The following RBFOX1 variants were observed in gnomAD, a reference collection of about 807,000 sequenced individuals.
RBFOX1 encodes the protein RNA binding protein fox-1 homolog 1.
In RBFOX1, 8 loss-of-function variants were observed where a neutral mutation model predicts 57.7. The observed-to-expected ratio is 0.14, with a 90% CI of 0.08 to 0.25. RBFOX1 has a LOEUF of 0.25. RBFOX1 is among the 10% of genes least tolerant of loss of function. RBFOX1 has a pLI of 1.00. For synonymous variants in RBFOX1, 326 were observed against 222.4 expected (o/e 1.47, Z -4.15); for missense variants, 611 against 548.5 (o/e 1.11, Z -1.14).
chr16:7,664,184 A>G (rs2068560789), intron 12 of RBFOX1, among the ~76,000 whole-genome samples: 1 of 152,270 alleles, frequency 6.6e-6, no homozygotes. Context: ...ACATGTTTAC[A>G]TACGTGTATA....
At chr16:5,563,940 C>T (rs1003828174) in intron 2 of RBFOX1, among the ~76,000 whole-genome samples, 6 of 152,122 alleles carry the variant, frequency 3.9e-5, no homozygotes, top group East Asian at 3.9e-4. Flanking sequence ...GAGACTATGA[C>T]CTAGATGTGG....
rs558472892 is a variant in RBFOX1, at chr16:6,742,879, G to A, written c.-16+88229G>A. ...GTACAGCATGAAGGAGAAATCTGTG[G>A]TGAATTAGTTCTGTATTGTATTGTG... On this transcript the variant is annotated intron_variant, in intron 3 of 15. Transcript: ENST00000550418. Among the ~76,000 whole-genome samples, 135 of 152,234 alleles carry A rather than the reference G, an allele frequency of 8.9e-4. 1 individual carries two copies. The highest frequency in any genetic ancestry group is 3.0e-3 in the African/African-American group (126 of 41,540).
chr16:7,672,644 G>C (rs3785208), intron 13 of RBFOX1, among the ~76,000 whole-genome samples: 5 of 151,888 alleles, frequency 3.3e-5, no homozygotes, highest in African/African-American at 1.2e-4. Flanking sequence ...CAGGCAGATT[G>C]CTTGAGGCCA....
At chr16:5,610,257 A>G (rs1285977332) in intron 3 of RBFOX1, 24 of 152,224 alleles carry the variant, frequency 1.6e-4, no homozygotes, top group Admixed American at 1.5e-3. Flanking sequence ...CTCAGTCGCT[A>G]CTTGTTGAAA....
intron 4 of RBFOX1, among the ~76,000 whole-genome samples, chr16:7,057,745 C>T (rs1322512238): frequency 6.6e-6 from 1 of 152,168 alleles, no homozygotes; most frequent in Non-Finnish European, 1.5e-5. Flanking sequence ...CAGTGACTCA[C>T]ACCTGTCATC....
In RBFOX1 at chr16:5,989,875, CACACA is replaced by C. The variant is rs1567227306; in HGVS notation, c.351+122541_351+122545del. On this transcript the variant is annotated intron_variant, in intron 4 of 19. Coordinates refer to the RBFOX1 transcript ENST00000641259. The stretch of plus-strand genomic sequence containing the variant: ...ACACACACACACACACACACACACA[CACACA>C]CCACCCCTGTTTTATAATAGGAGTA... Among the ~76,000 whole-genome samples the C allele has an allele frequency of 3.6e-3, 427 of 118,770 alleles. 5 individuals carry two copies. The highest frequency in any genetic ancestry group is 0.012 in the African/African-American group (408 of 34,618). 77.9% of individuals were successfully genotyped at this position (118,770 alleles called of 152,430 possible). A position where few individuals can be genotyped will look rare whatever the true frequency, so the allele number is the denominator to read the frequency against.
rs188958717 is a variant in RBFOX1, at chr16:5,405,049, T to C, written c.220-62167T>C. On this transcript the variant is annotated intron_variant, in intron 1 of 2. Coordinates refer to the RBFOX1 transcript ENST00000585867. The stretch of plus-strand genomic sequence containing the variant: ...TTAGGTACTGTTATTATTCCAGTCT[T>C]ACTGATGTGGAATCTGTGCAAAGAG... Among the ~76,000 whole-genome samples, 63 of 152,340 alleles carry C rather than the reference T, an allele frequency of 4.1e-4. 1 individual carries two copies. The highest frequency in any genetic ancestry group is 8.3e-4 in the South Asian group (4 of 4,828).
At position 6,437,455 on chromosome 16, in the gene RBFOX1, A is replaced by G. The variant is rs1305018274; in HGVS notation, c.-64+120398A>G. Among the ~76,000 whole-genome samples the G allele has an allele frequency of 5.3e-5, 8 of 152,124 alleles. No individual in the cohort carries two copies. The South Asian group carries it at 1.2e-3, about 24-fold the overall frequency. On this transcript the variant is annotated intron_variant, in intron 2 of 15. Coordinates refer to ENST00000550418, the MANE Select transcript of RBFOX1 (RefSeq NM_018723.4). Reference sequence around the variant, plus strand: ...TGCTTGGTCAGTGTCTTCAGCACCTAATTTGACAATTAAATGTATTTCACA... The same window carrying G: ...TGCTTGGTCAGTGTCTTCAGCACCTGATTTGACAATTAAATGTATTTCACA...
Position 6,064,969 on chromosome 16 carries a change from A to G in RBFOX1, c.-127+44977A>G, listed in dbSNP as rs1029848440. 2.7e-5 allele frequency among the ~76,000 whole-genome samples: 4 copies of G among 148,828 alleles called. No individual in the cohort carries two copies. The East Asian group carries it at 5.9e-4, about 22-fold the overall frequency. Reference sequence around the variant, plus strand: ...GACCCAGTATCTGTAATTAAAAATTAAAAAAAAAACCTCCCTACGTGACTG... The same window carrying G: ...GACCCAGTATCTGTAATTAAAAATTGAAAAAAAAACCTCCCTACGTGACTG... On this transcript the variant is annotated intron_variant, in intron 1 of 15. Transcript: ENST00000550418.
chr16:7,324,261 C>G (rs1228757018), intron 4 of RBFOX1, among the ~76,000 whole-genome samples: 4 of 152,112 alleles, frequency 2.6e-5, no homozygotes, highest in Non-Finnish European at 4.4e-5. Context: ...GCAGAAAGCT[C>G]AGGTGGTTCA....
chr16:6,124,236 C>G (rs889158301), intron 1 of RBFOX1, among the ~76,000 whole-genome samples: 5 of 152,196 alleles, frequency 3.3e-5, no homozygotes, highest in South Asian at 2.1e-4. Flanking sequence ...GGTCCACATT[C>G]TCCTTTGCTA....
At chr16:6,241,656 AC>A (rs1220923610) in intron 1 of RBFOX1, among the ~76,000 whole-genome samples, 1 of 152,230 alleles carries the variant, frequency 6.6e-6, no homozygotes, top group Admixed American at 6.5e-5. Context: ...GGTGGCCATT[AC>A]ATTAAGTAAT....
At chr16:6,847,232 T>C (rs547438653) in intron 3 of RBFOX1, among the ~76,000 whole-genome samples, 4 of 152,278 alleles carry the variant, frequency 2.6e-5, no homozygotes, top group East Asian at 3.9e-4. Context: ...TTTCATGATA[T>C]ACAACATGTA....
chr16:7,317,313 G>C (rs1341152062), intron 4 of RBFOX1, among the ~76,000 whole-genome samples: 1 of 152,118 alleles, frequency 6.6e-6, no homozygotes, highest in Non-Finnish European at 1.5e-5. Context: ...GTGAAGTCAG[G>C]TGGCACTGAC....
chr16:6,772,629 G>A (rs1488041010), intron 3 of RBFOX1, among the ~76,000 whole-genome samples: 1 of 148,202 alleles, frequency 6.7e-6, no homozygotes, highest in Non-Finnish European at 1.5e-5. Flanking sequence ...GTATGTGTGA[G>A]TGTGGGGTGC....
chr16:5,926,032 T>C (rs72770924), intron 4 of RBFOX1, among the ~76,000 whole-genome samples: 9,424 of 152,270 alleles, frequency 0.062, 381 homozygotes, highest in Non-Finnish European at 0.091. Flanking sequence ...AGGGTTCCCT[T>C]GCTCACTTGG....
At chr16:6,848,199 G>A (rs1350247236) in intron 3 of RBFOX1, among the ~76,000 whole-genome samples, 1 of 151,960 alleles carries the variant, frequency 6.6e-6, no homozygotes, top group Non-Finnish European at 1.5e-5. Flanking sequence ...GGGTGATACA[G>A]CAAGTGGCGA....
chr16:5,494,575 T>C (rs2042938739), intron 2 of RBFOX1, among the ~76,000 whole-genome samples: 1 of 152,318 alleles, frequency 6.6e-6, no homozygotes, highest in East Asian at 1.9e-4. Flanking sequence ...TCTTGGCTGT[T>C]CACTGCCCTC....
intron 3 of RBFOX1, among the ~76,000 whole-genome samples, chr16:5,619,257 C>T (rs546037890): frequency 6.6e-6 from 1 of 152,246 alleles, no homozygotes; most frequent in South Asian, 2.1e-4. Context: ...GACAGGCCTC[C>T]CGGGCTCCAG....
Sources: gnomAD v4.1 joint callset for allele counts (sites outside exome capture counted in the v4.1 genomes callset) on GRCh38, gnomAD v4.1.1 for gene constraint, MANE v1.5 for transcripts, NCBI Gene and HGNC (gene_info 2026-07-23, HGNC 2026-07-21) for gene names.